The following KAT2B variants were observed in gnomAD, a reference collection of about 807,000 sequenced individuals.
KAT2B encodes the protein histone acetyltransferase KAT2B.
In KAT2B, 36 loss-of-function variants were observed where a neutral mutation model predicts 105.9. The observed-to-expected ratio is 0.34, with a 90% CI of 0.26 to 0.45. The LOEUF is 0.45. Ranked by LOEUF, KAT2B falls within the 20% of genes least tolerant of loss-of-function variation. The probability of loss-of-function intolerance (pLI) is 1.00; values close to 1 mark genes in which losing one functional copy is unlikely to be tolerated. For missense variants in KAT2B, 820 were observed against 1,021.6 expected, an observed-to-expected ratio of 0.80 and a Z score of 2.69; for synonymous variants, 397 against 377.9, an observed-to-expected ratio of 1.05 and a Z score of -0.59.
In KAT2B at chr3:20,154,387, A is replaced by G. The variant is rs1699915207; in HGVS notation, c.*1862A>G. ...CTGGTACAAAATAGTTTTAAATTAT[A>G]TTTTAAAAAGCTTCCAATCTTGTGG... On this transcript the variant is annotated 3_prime_UTR_variant, in exon 18 of 18. Coordinates refer to ENST00000263754, the MANE Select transcript of KAT2B (RefSeq NM_003884.5). 6.6e-6 allele frequency: 1 copy of G among 152,638 alleles called. No homozygotes were observed. The highest frequency in any genetic ancestry group is 2.4e-5 in the African/African-American group (1 of 41,464). The allele number at this position is 152,638 out of a possible 1,614,324, so 9.5% of individuals were successfully genotyped here.
chr3:20,047,563 A>G (rs1697835657), intron 1 of KAT2B, among the ~76,000 whole-genome samples: 1 of 149,172 alleles, frequency 6.7e-6, no homozygotes, highest in Non-Finnish European at 1.5e-5. Flanking sequence ...ACCCAGTGTT[A>G]TGACTTCTTC....
intron 8 of KAT2B, among the ~76,000 whole-genome samples, chr3:20,120,750 A>G (rs772826687): frequency 6.6e-6 from 1 of 152,134 alleles, no homozygotes; most frequent in Non-Finnish European, 1.5e-5. Flanking sequence ...CAGTTAGAGA[A>G]TGTTTTGAAG....
intron 7 of KAT2B, among the ~76,000 whole-genome samples, chr3:20,115,938 G>A (rs1253018594): frequency 6.6e-6 from 1 of 152,144 alleles, no homozygotes; most frequent in African/African-American, 2.4e-5. Flanking sequence ...TTTGAAAAAG[G>A]TTTTCATCTG....
intron 1 of KAT2B, among the ~76,000 whole-genome samples, chr3:20,049,708 T>C (rs80335390): frequency 0.023 from 3,465 of 152,284 alleles, 122 homozygotes; most frequent in African/African-American, 0.079. Context: ...GGCCATAAAG[T>C]AAACAAAATA....
intron 13 of KAT2B, among the ~76,000 whole-genome samples, chr3:20,144,266 C>CCTTGGGATT (rs1699743104): frequency 6.9e-6 from 1 of 145,910 alleles, no homozygotes; most frequent in African/African-American, 2.5e-5. Flanking sequence ...AAGAGATTGC[C>CCTTGGGATT]CTTGGGATTC....
intron 17 of KAT2B, 116 bp from the exon 18 acceptor site, chr3:20,152,216 T>A: frequency 1.6e-6 from 1 of 618,616 alleles, no homozygotes; most frequent in Non-Finnish European, 2.7e-6. Flanking sequence ...AATAAAAGCA[T>A]TGGGATGATA....
intron 13 of KAT2B, among the ~76,000 whole-genome samples, chr3:20,142,591 T>C (rs542920356): frequency 6.6e-6 from 1 of 152,078 alleles, no homozygotes; most frequent in South Asian, 2.1e-4. Context: ...AGAAAACTAG[T>C]ATAGTTGGAC....
intron 9 of KAT2B, among the ~76,000 whole-genome samples, 177 bp from the exon 10 acceptor site, chr3:20,125,728 A>G (rs1389582088): frequency 2.6e-5 from 4 of 152,124 alleles, no homozygotes; most frequent in African/African-American, 9.7e-5. Context: ...TCTTGTCTTC[A>G]TAACTTGTAT....
intron 2 of KAT2B, among the ~76,000 whole-genome samples, chr3:20,080,306 T>C (rs1698496856): frequency 6.6e-6 from 1 of 152,190 alleles, no homozygotes; most frequent in Non-Finnish European, 1.5e-5. Context: ...CCAAAGGTTC[T>C]TTGAACTTTC....
At chr3:20,060,543 G>C (rs550295416) in intron 1 of KAT2B, among the ~76,000 whole-genome samples, 1 of 152,138 alleles carries the variant, frequency 6.6e-6, no homozygotes, top group Non-Finnish European at 1.5e-5. Context: ...GGAGGTTGCA[G>C]TGAGCTGAGA....
Position 20,152,436 on chromosome 3 carries a change from C to T in KAT2B, c.2410C>T (p.Pro804Ser). The change falls in exon 18 of 18, where the codon CCC (proline) becomes TCC (serine). Residue 804 changes from proline (P) to serine (S), a missense_variant. Coordinates refer to ENST00000263754, the MANE Select transcript of KAT2B (RefSeq NM_003884.5). ...CTTTACCAATTGCAAAGAGTACAAC[C>T]CCCCTGAGAGTGAATACTACAAATG... ...RVFTNCKEYN[P>S]PESEYYKCAN... 6.2e-7 allele frequency: 1 copy of T among 1,613,228 alleles called. No homozygotes were observed.
intron 11 of KAT2B, among the ~76,000 whole-genome samples, chr3:20,135,387 G>A (rs1699582915): frequency 1.3e-5 from 2 of 152,154 alleles, no homozygotes; most frequent in South Asian, 4.1e-4. Context: ...GGGCGCGGTG[G>A]CTCACGCCTG....
rs148135073 is a variant in KAT2B, at chr3:20,134,290, T to C, written c.1750-2652T>C. ...TCCATTTCCTTCTCTTGTTTTCAAT[T>C]TGACAAGCTCTTTTAAGGCCTAGCT... is the stretch of plus-strand genomic sequence containing the variant. On this transcript the variant is annotated intron_variant, in intron 11 of 17. Coordinates refer to ENST00000263754, the MANE Select transcript of KAT2B (RefSeq NM_003884.5). 4.0e-3 allele frequency among the ~76,000 whole-genome samples: 604 copies of C among 152,364 alleles called. 6 individuals are homozygous for C. Among genetic ancestry groups the C allele is most frequent in the African/African-American group, 0.013 (524 of 41,580 alleles).
At chr3:20,070,341 T>C (rs1271972833) in intron 1 of KAT2B, among the ~76,000 whole-genome samples, 2 of 148,594 alleles carry the variant, frequency 1.3e-5, no homozygotes, top group East Asian at 4.0e-4. Flanking sequence ...AGTCTCGCTC[T>C]GTACCCAGGC....
At chr3:20,076,569 C>A (rs1698423085) in intron 2 of KAT2B, among the ~76,000 whole-genome samples, 2 of 152,176 alleles carry the variant, frequency 1.3e-5, no homozygotes, top group South Asian at 4.1e-4. Context: ...GTTTCAAACA[C>A]CCGTAAAGGC....
chr3:20,116,034 T>C (rs1373306760), intron 7 of KAT2B, among the ~76,000 whole-genome samples: 1 of 152,196 alleles, frequency 6.6e-6, no homozygotes, highest in African/African-American at 2.4e-5. Context: ...TCATACTCTT[T>C]TTGTTTGAGC....
intron 2 of KAT2B, among the ~76,000 whole-genome samples, chr3:20,081,637 A>G (rs1043797152): frequency 1.3e-5 from 2 of 152,120 alleles, no homozygotes; most frequent in African/African-American, 2.4e-5. Context: ...GGGTTGGTCA[A>G]TCTTGGGTAA....
intron 2 of KAT2B, 122 bp downstream of exon 2, chr3:20,072,581 C>A: frequency 1.1e-6 from 1 of 886,206 alleles, no homozygotes; most frequent in Non-Finnish European, 1.8e-6. Context: ...AGAGCAACAA[C>A]AAGAGCCTCT....
intron 1 of KAT2B, among the ~76,000 whole-genome samples, chr3:20,059,807 C>T (rs1245092565): frequency 6.6e-6 from 1 of 152,330 alleles, no homozygotes; most frequent in Middle Eastern, 3.4e-3. Context: ...AAGAAATTGA[C>T]AAGTTGTACA....
Sources: allele counts gnomAD v4.1 joint callset (sites outside exome capture counted in the v4.1 genomes callset), GRCh38; gene constraint gnomAD v4.1.1; transcripts MANE v1.5; gene names NCBI Gene and HGNC (gene_info 2026-07-23, HGNC 2026-07-21).